CACNA2D1: variants seen among roughly 807,000 people sequenced by gnomAD.
The protein encoded by CACNA2D1 is voltage-dependent calcium channel subunit alpha-2/delta-1.
In CACNA2D1, 53 loss-of-function variants were observed where a neutral mutation model predicts 171.5. The ratio of observed to expected loss-of-function variants is 0.31; its 90% CI spans 0.25 to 0.39. The LOEUF (loss-of-function observed/expected upper bound fraction) is 0.39. CACNA2D1 is among the 10% of genes least tolerant of loss of function. The probability of loss-of-function intolerance (pLI) is 1.00; values close to 1 mark genes in which losing one functional copy is unlikely to be tolerated. For missense variants in CACNA2D1, 903 were observed against 1,299.8 expected (o/e 0.69, Z 4.69); for synonymous variants, 442 against 443.1 (o/e 1.00, Z 0.03).
chr7:82,203,901 A>G (rs1014009953), intron 3 of CACNA2D1, among the ~76,000 whole-genome samples: 2 of 152,204 alleles, frequency 1.3e-5, no homozygotes, highest in African/African-American at 4.8e-5. Context: ...ACTGGGACGC[A>G]CAGACATCCA....
intron 10 of CACNA2D1, among the ~76,000 whole-genome samples, chr7:82,045,296 G>A (rs572878236): frequency 1.3e-5 from 2 of 152,076 alleles, no homozygotes; most frequent in East Asian, 3.9e-4. Flanking sequence ...TTGATTGCTA[G>A]CAAAATGACC....
chr7:82,340,524 T>C (rs915940004), intron 2 of CACNA2D1, among the ~76,000 whole-genome samples: 1 of 152,008 alleles, frequency 6.6e-6, no homozygotes, highest in African/African-American at 2.4e-5. Context: ...GATTCACTAT[T>C]CCTAATAATG....
intron 1 of CACNA2D1, among the ~76,000 whole-genome samples, chr7:82,430,123 G>A (rs1417425423): frequency 6.8e-6 from 1 of 147,686 alleles, no homozygotes; most frequent in Non-Finnish European, 1.5e-5. Flanking sequence ...GCTATAAAAA[G>A]GCCATGTTGG....
chr7:82,427,641 C>T (rs142193859), intron 1 of CACNA2D1, among the ~76,000 whole-genome samples: 43 of 152,252 alleles, frequency 2.8e-4, no homozygotes, highest in Admixed American at 7.9e-4. Flanking sequence ...GAAGTTTTAT[C>T]AATGGGAAGG....
intron 1 of CACNA2D1, among the ~76,000 whole-genome samples, chr7:82,385,916 C>T (rs4732455): frequency 0.052 from 7,964 of 152,120 alleles, 445 homozygotes; most frequent in East Asian, 0.18. Flanking sequence ...CCACCTGCCT[C>T]GGCCTCCCAA....
chr7:82,282,552 AG>A (rs1810249123), intron 3 of CACNA2D1, among the ~76,000 whole-genome samples: 1 of 152,186 alleles, frequency 6.6e-6, no homozygotes, highest in Admixed American at 6.5e-5. Flanking sequence ...TAGCAGAAGG[AG>A]GGCGTGTCTG....
rs549480439 is a variant in CACNA2D1 at position 82,254,857 on chromosome 7, T to A, written c.294+80278A>T. On this transcript the variant is annotated intron_variant, in intron 3 of 38. Coordinates refer to ENST00000356860, the MANE Select transcript of CACNA2D1 (RefSeq NM_000722.4). The stretch of plus-strand genomic sequence containing the variant: ...GAGAAAGTGGCTTCAAAAGATCTCA[T>A]AGGGTACAGTTCATTACCTTGTTTA... Among the ~76,000 whole-genome samples, 442 of 152,248 alleles carry A rather than the reference T, an allele frequency of 2.9e-3. 1 individual carries two copies. Among genetic ancestry groups the A allele is most frequent in the Non-Finnish European group, 4.0e-3 (270 of 67,994 alleles).
chr7:82,170,462 A>G, intron 4 of CACNA2D1, 88 bp downstream of exon 4: 1 of 967,762 alleles, frequency 1.0e-6, no homozygotes, highest in South Asian at 1.3e-5. Flanking sequence ...ATAAGATTCC[A>G]TCATTAAAAT....
chr7:82,421,835 A>G (rs1195797687), intron 1 of CACNA2D1, among the ~76,000 whole-genome samples: 3 of 152,218 alleles, frequency 2.0e-5, no homozygotes, highest in African/African-American at 7.2e-5. Flanking sequence ...TTTCAGGACT[A>G]TCTGAAGTCT....
intron 3 of CACNA2D1, among the ~76,000 whole-genome samples, chr7:82,256,658 A>G (rs1424697632): frequency 6.6e-6 from 1 of 152,194 alleles, no homozygotes; most frequent in African/African-American, 2.4e-5. Flanking sequence ...TTGAATCTTT[A>G]CTAATGACTT....
rs571262340 is a variant in CACNA2D1 at position 82,278,429 on chromosome 7, A to C, written c.294+56706T>G. Among the ~76,000 whole-genome samples, 8 of 151,962 alleles carry C rather than the reference A, an allele frequency of 5.3e-5. 1 individual carries two copies. The highest frequency in any genetic ancestry group is 3.4e-3 in the Middle Eastern group (1 of 294). On this transcript the variant is annotated intron_variant, in intron 3 of 38. Transcript: ENST00000356860. Reference sequence around the variant, plus strand: ...CCCCATAACTAATAAAAATACAAAAATTAGCTGGATCTCAGCTACTCAGGA... The same window carrying C: ...CCCCATAACTAATAAAAATACAAAACTTAGCTGGATCTCAGCTACTCAGGA...
intron 3 of CACNA2D1, among the ~76,000 whole-genome samples, chr7:82,309,172 G>A (rs528100120): frequency 2.0e-5 from 3 of 152,230 alleles, no homozygotes; most frequent in East Asian, 3.9e-4. Flanking sequence ...TTGGGAGACC[G>A]AGGCGGGTGG....
intron 3 of CACNA2D1, among the ~76,000 whole-genome samples, chr7:82,231,188 A>G (rs2129276651): frequency 6.6e-6 from 1 of 152,342 alleles, no homozygotes; most frequent in Middle Eastern, 3.4e-3. Flanking sequence ...GGAAGGCTGG[A>G]AAGGGCTTGA....
At chr7:82,432,275 A>T (rs993569339) in intron 1 of CACNA2D1, among the ~76,000 whole-genome samples, 1 of 152,208 alleles carries the variant, frequency 6.6e-6, no homozygotes, top group Non-Finnish European at 1.5e-5. Context: ...AACTCTTCTT[A>T]TCTCTTGCCA....
intron 6 of CACNA2D1, among the ~76,000 whole-genome samples, chr7:82,111,275 C>CAT (rs1358396917): frequency 4.1e-5 from 5 of 122,948 alleles, no homozygotes; most frequent in South Asian, 2.7e-4. Flanking sequence ...TATACACACA[C>CAT]ATATATATAT....
chr7:81,956,741 C>G (rs947281347), intron 38 of CACNA2D1, among the ~76,000 whole-genome samples: 1 of 152,040 alleles, frequency 6.6e-6, no homozygotes, highest in Non-Finnish European at 1.5e-5. Flanking sequence ...TAGTGGCTTC[C>G]TAATCAATGA....
intron 3 of CACNA2D1, among the ~76,000 whole-genome samples, chr7:82,196,129 C>T (rs2129195748): frequency 6.6e-6 from 1 of 152,148 alleles, no homozygotes; most frequent in East Asian, 1.9e-4. Context: ...ATCCTCTTTG[C>T]TTTTTATTAC....
At chr7:81,973,212 C>G (rs1795474317) in intron 25 of CACNA2D1, among the ~76,000 whole-genome samples, 1 of 151,990 alleles carries the variant, frequency 6.6e-6, no homozygotes, top group Non-Finnish European at 1.5e-5. Flanking sequence ...ACAGTTCTCT[C>G]TTGGAAATGC....
At chr7:82,274,890 A>AATG (rs1809121353) in intron 3 of CACNA2D1, among the ~76,000 whole-genome samples, 4 of 91,898 alleles carry the variant, frequency 4.4e-5, no homozygotes, top group Admixed American at 1.9e-4. Flanking sequence ...ATGAATGAAT[A>AATG]ATGGCCAATA....
Sources: allele counts gnomAD v4.1 joint callset (sites outside exome capture counted in the v4.1 genomes callset), GRCh38; gene constraint gnomAD v4.1.1; transcripts MANE v1.5; gene names NCBI Gene and HGNC (gene_info 2026-07-23, HGNC 2026-07-21).